The following PCDHGA7 variants were observed in gnomAD, a reference collection of about 807,000 sequenced individuals.
PCDHGA7 encodes protocadherin gamma-A7.
In PCDHGA7, 44 loss-of-function variants were observed where a neutral mutation model predicts 58.3. The observed-to-expected ratio is 0.75, with a 90% confidence interval of 0.59 to 0.97. The LOEUF (loss-of-function observed/expected upper bound fraction) is 0.97, where lower values mean the gene tolerates loss of function less well. Among genes scored for constraint, PCDHGA7 ranks in the 50% least tolerant of loss-of-function variants. PCDHGA7 has a pLI of 0.00. For missense variants in PCDHGA7, 1,266 were observed against 1,188.7 expected, an observed-to-expected ratio of 1.06 and a Z score of -0.96; for synonymous variants, 516 against 504.2, an observed-to-expected ratio of 1.02 and a Z score of -0.31.
At position 141,511,124 on chromosome 5, in the gene PCDHGA7, C is replaced by A. The variant is rs752246201; in HGVS notation, c.2750C>A (p.Ala917Glu). The A allele has an allele frequency of 6.2e-7, 1 of 1,614,206 alleles. No homozygotes were observed. The highest frequency in any genetic ancestry group is 8.5e-7 in the Non-Finnish European group (1 of 1,180,022). ...AAGKRDGKAP[A>E]GGNGNKKKSG... The stretch of plus-strand genomic sequence containing the variant: ...GGCAAGCGGGATGGCAAGGCCCCAG[C>A]AGGTGGCAATGGCAACAAGAAGAAG... Residue 917 changes from alanine (A) to glutamate (E), a missense_variant, in exon 4 of 4, where the codon GCA becomes GAA. Coordinates refer to ENST00000518325, the MANE Select transcript of PCDHGA7 (RefSeq NM_018920.4).
Position 141,511,252 on chromosome 5 carries a change from G to C in PCDHGA7, c.*79G>C. 6.4e-7 allele frequency: 1 copy of C among 1,568,260 alleles called. No homozygotes were observed. The highest frequency in any genetic ancestry group is 8.6e-7 in the Non-Finnish European group (1 of 1,157,002). On this transcript the variant is annotated 3_prime_UTR_variant, in exon 4 of 4. Coordinates refer to ENST00000518325, the MANE Select transcript of PCDHGA7 (RefSeq NM_018920.4). ...TCTCCTTACCTGCACCCAGGCCTCA[G>C]AGTTTCAGGGCTAACCCCCAGAATA... is the stretch of plus-strand genomic sequence containing the variant.
chr5:141,386,917 T>C (rs535277219), intron 1 of PCDHGA7, among the ~76,000 whole-genome samples: 1 of 152,302 alleles, frequency 6.6e-6, no homozygotes, highest in Non-Finnish European at 1.5e-5. Flanking sequence ...CCAAGGAATG[T>C]AAAATAAGTG....
chr5:141,486,416 C>T lies in PCDHGA7; in HGVS notation c.2425-8391C>T, dbSNP rs2154580601. The T allele has an allele frequency of 6.2e-7, 1 of 1,614,152 alleles. No individual in the cohort carries two copies. The highest frequency in any genetic ancestry group is 8.5e-7 in the Non-Finnish European group (1 of 1,180,016). On this transcript the variant is annotated intron_variant, in intron 1 of 3. Coordinates refer to ENST00000518325, the MANE Select transcript of PCDHGA7 (RefSeq NM_018920.4). This position sits in a 1 kb window ranked among gnomAD's most constrained non-coding sequence, Gnocchi z 5.0. ...CCTGGTGACTGCTGGACCCTTGGAT[C>T]GAGAGGCCAAATCTAGCTATGACAT...
chr5:141,464,769 T>C (rs2154568595), intron 1 of PCDHGA7, among the ~76,000 whole-genome samples: 1 of 152,328 alleles, frequency 6.6e-6, no homozygotes. Flanking sequence ...ACAGGAATCT[T>C]GTTCTGTTGC....
Position 141,432,928 on chromosome 5 carries a change from C to T in PCDHGA7, c.2424+47605C>T, listed in dbSNP as rs1443097611. ...GGCTGCGGCGCTGGCACAAGTCACG[C>T]CTGCTGCAGGCTTCAGGAGGCGGCT... On this transcript the variant is annotated intron_variant, in intron 1 of 3. Transcript: ENST00000518325. This position sits in a 1 kb window ranked among gnomAD's most constrained non-coding sequence, Gnocchi z 6.0. 1.2e-6 allele frequency: 2 copies of T among 1,614,066 alleles called. No homozygotes were observed. Among genetic ancestry groups the T allele is most frequent in the African/African-American group, 1.3e-5 (1 of 74,942 alleles).
At chr5:141,415,344 G>A in intron 1 of PCDHGA7, 15 of 1,614,238 alleles carry the variant, frequency 9.3e-6, no homozygotes, top group Non-Finnish European at 1.3e-5. Flanking sequence ...TGCGGCGCTG[G>A]CACAAGTCAC....
chr5:141,419,072 G>C (rs17208397), intron 1 of PCDHGA7: 242,774 of 1,613,756 alleles, frequency 0.15, 19,855 homozygotes, highest in Non-Finnish European at 0.17. Context: ...CTACAAGCTA[G>C]TAACAGATGA....
intron 1 of PCDHGA7, among the ~76,000 whole-genome samples, chr5:141,492,148 G>C (rs2099737507): frequency 6.6e-6 from 1 of 152,202 alleles, no homozygotes; most frequent in Admixed American, 6.5e-5. Flanking sequence ...TGACTTCACT[G>C]TTACCCTCCC....
intron 1 of PCDHGA7, chr5:141,427,265 C>A (rs767369457): frequency 6.6e-6 from 3 of 456,572 alleles, no homozygotes; most frequent in Non-Finnish European, 8.8e-6. Context: ...GCATGACCAG[C>A]GAATGTAAAA....
At chr5:141,441,793 C>T (rs961624726) in intron 1 of PCDHGA7, 7 of 391,390 alleles carry the variant, frequency 1.8e-5, no homozygotes, top group Non-Finnish European at 3.6e-5. Flanking sequence ...AATGACAACG[C>T]ACCGCGGGTG....
chr5:141,499,582 T>C (rs952280239), intron 2 of PCDHGA7, among the ~76,000 whole-genome samples: 7 of 152,164 alleles, frequency 4.6e-5, no homozygotes, highest in African/African-American at 7.2e-5. Flanking sequence ...TAATGCCTTA[T>C]CTTGTTTCAC....
At chr5:141,452,016 A>G (rs988436326) in intron 1 of PCDHGA7, among the ~76,000 whole-genome samples, 5 of 152,084 alleles carry the variant, frequency 3.3e-5, no homozygotes, top group Non-Finnish European at 5.9e-5. Flanking sequence ...TCCAGCCCAC[A>G]CTCTGGGGAG....
Position 141,476,231 on chromosome 5 carries a change from G to A in PCDHGA7, c.2425-18576G>A. The A allele has an allele frequency of 6.2e-7, 1 of 1,614,084 alleles. No individual in the cohort carries two copies. Among genetic ancestry groups the A allele is most frequent in the Non-Finnish European group, 8.5e-7 (1 of 1,180,034 alleles). On this transcript the variant is annotated intron_variant, in intron 1 of 3. Coordinates refer to ENST00000518325, the MANE Select transcript of PCDHGA7 (RefSeq NM_018920.4). The surrounding 1 kb of genome is among the most constrained non-coding windows in gnomAD (Gnocchi z 7.6). ...CACGGTCATTCACTATGAGATCCCG[G>A]AGGAAAGAGAGAAGGGTTTCGCTGT...
intron 1 of PCDHGA7, among the ~76,000 whole-genome samples, chr5:141,473,313 T>C (rs1173941642): frequency 2.7e-4 from 41 of 152,246 alleles, no homozygotes; most frequent in Non-Finnish European, 5.9e-5. Context: ...GCTATATTAA[T>C]AAGCATTAAG....
intron 1 of PCDHGA7, among the ~76,000 whole-genome samples, chr5:141,425,410 A>G (rs1283299220): frequency 2.0e-5 from 3 of 152,240 alleles, no homozygotes; most frequent in African/African-American, 7.2e-5. Flanking sequence ...TTAAGGTATA[A>G]CATATAGTCC....
chr5:141,510,448 C>T (rs1339979584), intron 3 of PCDHGA7, among the ~76,000 whole-genome samples: 1 of 152,016 alleles, frequency 6.6e-6, no homozygotes, highest in Non-Finnish European at 1.5e-5. Context: ...TCCAGGAGCC[C>T]ATGGTCTAGT....
Position 141,399,843 on chromosome 5 carries a change from T to C in PCDHGA7, c.2424+14520T>C, listed in dbSNP as rs1452069886. ...GTCCCGACGGCTCTGCGCTCTTCGATATGGTGCCGCGCGCTGCAGAGCCCG... is the reference window on the plus strand; with the variant it reads ...GTCCCGACGGCTCTGCGCTCTTCGACATGGTGCCGCGCGCTGCAGAGCCCG... On this transcript the variant is annotated intron_variant, in intron 1 of 3. Coordinates refer to ENST00000518325, the MANE Select transcript of PCDHGA7 (RefSeq NM_018920.4). 2.5e-6 allele frequency: 4 copies of C among 1,612,848 alleles called. No homozygotes were observed. The African/African-American group carries it at 5.3e-5, about 22-fold the overall frequency.
At chr5:141,433,951 A>G (rs2097667078) in intron 1 of PCDHGA7, among the ~76,000 whole-genome samples, 1 of 152,032 alleles carries the variant, frequency 6.6e-6, no homozygotes, top group African/African-American at 2.4e-5. Context: ...TGTTTCTTCT[A>G]CAGTTGTTAA....
chr5:141,508,741 C>G (rs2099871426), intron 3 of PCDHGA7, among the ~76,000 whole-genome samples: 1 of 152,042 alleles, frequency 6.6e-6, no homozygotes, highest in Non-Finnish European at 1.5e-5. Context: ...ACCCCCCACC[C>G]CGCTCTTTCT....
Sources: allele counts gnomAD v4.1 joint callset (sites outside exome capture counted in the v4.1 genomes callset), GRCh38; gene constraint gnomAD v4.1.1; non-coding constraint Gnocchi (gnomAD v3.1); transcripts MANE v1.5; gene names NCBI Gene and HGNC (gene_info 2026-07-23, HGNC 2026-07-21).